BSN: variants seen among roughly 807,000 people sequenced by gnomAD.
BSN encodes the protein bassoon presynaptic cytomatrix protein.
In BSN, 57 loss-of-function variants were observed where a neutral mutation model predicts 264.8. That is an observed-to-expected ratio of 0.22 (90% CI 0.17 to 0.27). BSN has a LOEUF of 0.27. Ranked by LOEUF, BSN falls within the 10% of genes least tolerant of loss-of-function variation. The pLI, the probability that BSN is intolerant of heterozygous loss-of-function variation, is 1.00. For synonymous variants in BSN, 2,059 were observed against 2,137.3 expected (o/e 0.96, Z 1.01); for missense variants, 4,615 against 5,232.5 (o/e 0.88, Z 3.64).
In BSN at chr3:49,656,856, C is replaced by T. The variant is rs768251009; in HGVS notation, c.7300C>T (p.Arg2434Cys). 1.4e-5 allele frequency: 23 copies of T among 1,602,048 alleles called. No individual in the cohort carries two copies. Among genetic ancestry groups the T allele is most frequent in the African/African-American group, 1.2e-4 (9 of 74,856 alleles). Residue 2434 changes from arginine (R) to cysteine (C), a missense_variant, in exon 5 of 12, where the codon CGC (arginine) becomes TGC (cysteine). Arg to Cys is a radical substitution (Grantham distance 180). This residue lies in a region of BSN where 3,415 missense variants were observed against 3,866.4 expected (regional missense o/e 0.88). Transcript: ENST00000296452. The part of the protein sequence containing the change: ...HHVLQQQQEE[R>C]QAQFALQREQ... ...TGTGCTGCAGCAGCAGCAAGAGGAA[C>T]GCCAGGCTCAATTTGCACTGCAGCG...
At chr3:49,586,486 C>G (rs368386197) in intron 1 of BSN, among the ~76,000 whole-genome samples, 1 of 152,020 alleles carries the variant, frequency 6.6e-6, no homozygotes, top group African/African-American at 2.4e-5. Flanking sequence ...GTAGCTGGGA[C>G]TACAGGCACA....
At chr3:49,614,603 C>G (rs191958813) in intron 1 of BSN, among the ~76,000 whole-genome samples, 7 of 152,314 alleles carry the variant, frequency 4.6e-5, no homozygotes, top group African/African-American at 1.7e-4. Flanking sequence ...ATGGATGTCA[C>G]TTGAGGCAGG....
At chr3:49,577,340 A>C (rs898582788) in intron 1 of BSN, among the ~76,000 whole-genome samples, 3 of 152,064 alleles carry the variant, frequency 2.0e-5, no homozygotes, top group Non-Finnish European at 4.4e-5. Context: ...TTTATCTTCT[A>C]TGAAATGGCA....
In BSN at chr3:49,554,625, A is replaced by G. The variant is rs922281244; in HGVS notation, c.23A>G (p.Glu8Gly). MGNEVSL[E>G]GGAGDGPLPP... ...GCCATGGGCAACGAGGTCAGCCTGG[A>G]GGGCGGCGCTGGCGACGGGCCGCTG... Residue 8 changes from glutamate (E) to glycine (G), a missense_variant, in exon 1 of 12, where the codon GAG (glutamate) becomes GGG (glycine). Coordinates refer to ENST00000296452, the MANE Select transcript of BSN (RefSeq NM_003458.4). 1.1e-5 allele frequency: 11 copies of G among 980,498 alleles called. No homozygotes were observed. Among genetic ancestry groups the G allele is most frequent in the Non-Finnish European group, 1.3e-5 (11 of 827,950 alleles). 60.7% of individuals were successfully genotyped at this position (980,498 alleles called of 1,614,324 possible). A position where few individuals can be genotyped will look rare whatever the true frequency, so the allele number is the denominator to read the frequency against.
rs2052759657 is a variant in BSN at position 49,671,426 on chromosome 3, T to G, written c.*3941T>G. On this transcript the variant is annotated 3_prime_UTR_variant, in exon 12 of 12. Coordinates refer to ENST00000296452, the MANE Select transcript of BSN (RefSeq NM_003458.4). The surrounding 1 kb of genome is among the most constrained non-coding windows in gnomAD (Gnocchi z 4.1). ...ATGACCCGAGTCCTCCACATGACCTTGTGAATTGTGTGCTGTCCTTCTGTG... is the reference window on the plus strand; with the variant it reads ...ATGACCCGAGTCCTCCACATGACCTGGTGAATTGTGTGCTGTCCTTCTGTG... The G allele has an allele frequency of 6.5e-6, 1 of 152,720 alleles. No homozygotes were observed. The highest frequency in any genetic ancestry group is 1.9e-4 in the East Asian group (1 of 5,184). 9.5% of individuals were successfully genotyped at this position (152,720 alleles called of 1,614,324 possible).
chr3:49,673,128 A>C (rs1230331206), downstream of BSN, among the ~76,000 whole-genome samples: 1 of 60,060 alleles, frequency 1.7e-5, no homozygotes, highest in African/African-American at 5.9e-5. Flanking sequence ...TTAACTAGTT[A>C]TCTTGAGTAA....
chr3:49,655,321 G>A lies in BSN; in HGVS notation c.5765G>A (p.Ser1922Asn). 1.2e-6 allele frequency: 2 copies of A among 1,610,376 alleles called. No homozygotes were observed. The highest frequency in any genetic ancestry group is 1.7e-6 in the Non-Finnish European group (2 of 1,178,604). Residue 1922 changes from serine (S) to asparagine (N), a missense_variant, in exon 5 of 12, where the codon AGT (serine) becomes AAT (asparagine). This residue lies in a region of BSN where 3,415 missense variants were observed against 3,866.4 expected (regional missense o/e 0.88). Coordinates refer to ENST00000296452, the MANE Select transcript of BSN (RefSeq NM_003458.4). ...ACTGGCACCTTCCACCCGGCCCCCA[G>A]TGTGCCTGAGAAGAGCATGGCAGAT... ...SCTGTFHPAP[S>N]VPEKSMADAA... is the part of the protein sequence containing the mutation.
At chr3:49,632,464 T>C (rs1053754191) in intron 2 of BSN, among the ~76,000 whole-genome samples, 5 of 152,206 alleles carry the variant, frequency 3.3e-5, no homozygotes, top group African/African-American at 1.2e-4. Flanking sequence ...TACAGAGAAG[T>C]CTTACAACTC....
rs1220846463 is a variant in BSN at position 49,653,996 on chromosome 3, C to T, written c.4440C>T (p.Leu1480=). The part of the protein sequence containing the change: ...YSYFASSSPP[L]SPSSPSESPT... ...ACTTTGCAAGCTCCAGCCCACCTCTCTCCCCGTCTTCCCCCTCAGAGAGTC... is the reference window on the plus strand; with the variant it reads ...ACTTTGCAAGCTCCAGCCCACCTCTTTCCCCGTCTTCCCCCTCAGAGAGTC... The change falls in exon 5 of 12, where the codon CTC becomes CTT. Residue 1480 remains leucine, a synonymous_variant. Coordinates refer to ENST00000296452, the MANE Select transcript of BSN (RefSeq NM_003458.4). This position sits in a 1 kb window ranked among gnomAD's most constrained non-coding sequence, Gnocchi z 6.3. 1.9e-6 allele frequency: 3 copies of T among 1,614,038 alleles called. No individual in the cohort carries two copies. The highest frequency in any genetic ancestry group is 2.2e-5 in the East Asian group (1 of 44,888).
At chr3:49,643,488 T>C (rs2052483605) in intron 3 of BSN, among the ~76,000 whole-genome samples, 1 of 152,198 alleles carries the variant, frequency 6.6e-6, no homozygotes, top group Non-Finnish European at 1.5e-5. Flanking sequence ...CCTGCTCAGA[T>C]AGGAGAACCT....
intron 1 of BSN, among the ~76,000 whole-genome samples, chr3:49,569,661 A>G (rs543946570): frequency 3.1e-4 from 47 of 152,306 alleles, no homozygotes; most frequent in African/African-American, 1.1e-3. Context: ...AAAACAGATT[A>G]TAGAATTTAA....
downstream of BSN, among the ~76,000 whole-genome samples, chr3:49,671,731 G>A (rs2052768433): frequency 6.6e-6 from 1 of 152,246 alleles, no homozygotes; most frequent in South Asian, 2.1e-4. This position sits in a 1 kb window ranked among gnomAD's most constrained non-coding sequence, Gnocchi z 4.1. Context: ...CTCCACAAAG[G>A]TGCCCAAGGG....
In BSN at chr3:49,663,161, A is replaced by G; in HGVS notation, c.11003A>G (p.Lys3668Arg). 1.9e-6 allele frequency: 3 copies of G among 1,613,314 alleles called. No individual in the cohort carries two copies. Among genetic ancestry groups the G allele is most frequent in the Non-Finnish European group, 2.5e-6 (3 of 1,179,870 alleles). ...GAGGAGCCGGGACGGCGTGCTGCCA[A>G]ACCACACGCTCGGGACCTGGGTCGC... is the stretch of plus-strand genomic sequence containing the variant. ...TGEEPGRRAA[K>R]PHARDLGRHE... Residue 3668 changes from lysine (K) to arginine (R), a missense_variant, in exon 7 of 12, where the codon AAA (lysine) becomes AGA (arginine). Physicochemically the swap from Lys to Arg is conservative, Grantham distance 26. Transcript: ENST00000296452.
chr3:49,624,174 G>A (rs760869069), intron 1 of BSN, among the ~76,000 whole-genome samples: 8 of 151,366 alleles, frequency 5.3e-5, no homozygotes, highest in Non-Finnish European at 8.8e-5. Context: ...CTAATTTTTT[G>A]TATTTTTAGT....
intron 1 of BSN, among the ~76,000 whole-genome samples, chr3:49,586,350 A>ATCTG (rs2051937950): frequency 6.6e-6 from 1 of 151,810 alleles, no homozygotes; most frequent in Non-Finnish European, 1.5e-5. Flanking sequence ...CTATCTATCT[A>ATCTG]TCTATCTATC....
chr3:49,653,461 A>G lies in BSN; in HGVS notation c.3905A>G (p.Lys1302Arg). Residue 1302 changes from lysine to arginine, a missense_variant, in exon 5 of 12, where the codon AAG (lysine) becomes AGG (arginine). This residue lies in a region of BSN where 3,415 missense variants were observed against 3,866.4 expected (regional missense o/e 0.88). Coordinates refer to ENST00000296452, the MANE Select transcript of BSN (RefSeq NM_003458.4). This position sits in a 1 kb window ranked among gnomAD's most constrained non-coding sequence, Gnocchi z 6.3. ...GAGAGTGCATACATGGACCCAATGA[A>G]GCAAAATGGTGGCCCCCTTACCCCT... ...NAESAYMDPM[K>R]QNGGPLTPGT... 6.2e-7 allele frequency: 1 copy of G among 1,613,986 alleles called. No individual in the cohort carries two copies. Among genetic ancestry groups the G allele is most frequent in the Non-Finnish European group, 8.5e-7 (1 of 1,179,952 alleles).
At chr3:49,639,799 C>T (rs947218993) in intron 2 of BSN, among the ~76,000 whole-genome samples, 3 of 152,244 alleles carry the variant, frequency 2.0e-5, no homozygotes, top group African/African-American at 7.2e-5. Context: ...ATTGAGAACA[C>T]ATTGCTAAAA....
chr3:49,641,583 A>AG (rs1453491458), intron 2 of BSN: 3 of 152,206 alleles, frequency 2.0e-5, no homozygotes, highest in African/African-American at 7.2e-5. Flanking sequence ...GGAAAAAAAA[A>AG]GGCTTTAAAA....
chr3:49,568,487 C>T (rs2051771693), intron 1 of BSN, among the ~76,000 whole-genome samples: 5 of 152,002 alleles, frequency 3.3e-5, no homozygotes, highest in Admixed American at 2.0e-4. Flanking sequence ...CAGATTTTTC[C>T]CACTGTTTCT....
Sources: gnomAD v4.1 joint callset for allele counts (sites outside exome capture counted in the v4.1 genomes callset) on GRCh38, gnomAD v4.1.1 for gene constraint, gnomAD v4.1.1 regional missense constraint, Gnocchi (gnomAD v3.1) non-coding constraint, MANE v1.5 for transcripts, NCBI Gene and HGNC (gene_info 2026-07-23, HGNC 2026-07-21) for gene names.